Variants in MCTP2 observed in about 807,000 individuals in gnomAD.
MCTP2 encodes the protein multiple C2 and transmembrane domain containing 2.
MCTP2 carries 132 observed loss-of-function variants against 111.6 expected under a neutral mutation model. The observed-to-expected ratio is 1.18, with a 90% CI of 1.03 to 1.37. The LOEUF is 1.37. Ranked by LOEUF, MCTP2 falls within the 40% of genes most tolerant of loss-of-function variation. The pLI, the probability that MCTP2 is intolerant of heterozygous loss-of-function variation, is 0.00. For missense variants in MCTP2, 1,183 were observed against 1,067.9 expected, an observed-to-expected ratio of 1.11 and a Z score of -1.50; for synonymous variants, 395 against 387.7, an observed-to-expected ratio of 1.02 and a Z score of -0.22.
chr15:94,338,370 T>G lies in MCTP2; in HGVS notation c.638-920T>G, dbSNP rs190397992. On this transcript the variant is annotated intron_variant, in intron 4 of 22. Coordinates refer to ENST00000357742, the MANE Select transcript of MCTP2 (RefSeq NM_001385001.1). ...CATTGATTGCTCATTCATTTGTGCC[T>G]CCTCCTTCCACCGTTCACTAGGTAG... Among the ~76,000 whole-genome samples, 252 of 152,300 alleles carry G rather than the reference T, an allele frequency of 1.7e-3. 2 individuals carry two copies. The highest frequency in any genetic ancestry group is 5.5e-3 in the African/African-American group (229 of 41,554).
intron 2 of MCTP2, among the ~76,000 whole-genome samples, chr15:94,304,763 T>C (rs1276186788): frequency 1.3e-5 from 2 of 152,116 alleles, no homozygotes; most frequent in Admixed American, 1.3e-4. Context: ...AATTAGAACT[T>C]GACATACTCA....
At chr15:94,349,745 G>A (rs1376746454) in intron 8 of MCTP2, among the ~76,000 whole-genome samples, 1 of 151,530 alleles carries the variant, frequency 6.6e-6, no homozygotes, top group East Asian at 1.9e-4. Flanking sequence ...GTGTGAACCT[G>A]GGAGGTGGAG....
chr15:94,358,552 GCATTTTGGA>G lies in MCTP2; in HGVS notation c.1246_1254del (p.Leu416_Ile418del), dbSNP rs1367713049. On this transcript the variant is annotated inframe_deletion, in exon 10 of 23. Coordinates refer to ENST00000357742, the MANE Select transcript of MCTP2 (RefSeq NM_001385001.1). Reference sequence around the variant, plus strand: ...TTTCACTACTTCTCTGACAGGATGGGCATTTTGGACATTGAAGTGTGGGGAAAGGACAAC... The same window carrying G: ...TTTCACTACTTCTCTGACAGGATGGGCATTGAAGTGTGGGGAAAGGACAAC... 1.2e-6 allele frequency: 2 copies of G among 1,613,824 alleles called. No homozygotes were observed. The highest frequency in any genetic ancestry group is 1.7e-6 in the Non-Finnish European group (2 of 1,179,818).
chr15:94,385,749 C>T (rs1225828694), intron 14 of MCTP2, among the ~76,000 whole-genome samples: 1 of 152,096 alleles, frequency 6.6e-6, no homozygotes, highest in Non-Finnish European at 1.5e-5. Flanking sequence ...CGTAACCAAC[C>T]AAAACATTTT....
chr15:94,233,863 T>G (rs1242884483), intron 1 of MCTP2, among the ~76,000 whole-genome samples: 3 of 152,214 alleles, frequency 2.0e-5, no homozygotes, highest in Non-Finnish European at 2.9e-5. Context: ...GGAAAACACT[T>G]GCTTTCTTAA....
At chr15:94,403,022 C>T in intron 17 of MCTP2, 2 of 997,542 alleles carry the variant, frequency 2.0e-6, no homozygotes, top group Non-Finnish European at 2.4e-6. Flanking sequence ...GCCCAAGAAG[C>T]CAATGGGTTC....
At chr15:94,245,448 A>C (rs1182257181) in intron 1 of MCTP2, among the ~76,000 whole-genome samples, 4 of 139,166 alleles carry the variant, frequency 2.9e-5, no homozygotes, top group African/African-American at 5.2e-5. Flanking sequence ...ATACACATAT[A>C]TGTATATGTA....
At chr15:94,353,878 G>T (rs1310300945) in intron 8 of MCTP2, among the ~76,000 whole-genome samples, 2 of 152,060 alleles carry the variant, frequency 1.3e-5, no homozygotes, top group Non-Finnish European at 2.9e-5. Flanking sequence ...AACATCTATA[G>T]ATATATGTGC....
chr15:94,337,666 G>GGTGTGTGTGT (rs3068711), intron 4 of MCTP2, among the ~76,000 whole-genome samples: 38 of 150,894 alleles, frequency 2.5e-4, no homozygotes, highest in African/African-American at 9.2e-4. Flanking sequence ...GCCCGAACAC[G>GGTGTGTGTGT]GTGTGTGTGT....
chr15:94,250,346 C>T (rs888855697), intron 1 of MCTP2, among the ~76,000 whole-genome samples: 28 of 152,138 alleles, frequency 1.8e-4, no homozygotes, highest in Non-Finnish European at 7.4e-5. Flanking sequence ...CAGTTGTCAC[C>T]TTGTGCAAAC....
At chr15:94,401,446 A>C (rs1018662889) in intron 16 of MCTP2, among the ~76,000 whole-genome samples, 1 of 152,228 alleles carries the variant, frequency 6.6e-6, no homozygotes, top group Admixed American at 6.5e-5. Context: ...TAATACTTGC[A>C]TGTTTTAATT....
At chr15:94,424,635 A>T (rs2082791334) in intron 17 of MCTP2, among the ~76,000 whole-genome samples, 1 of 152,194 alleles carries the variant, frequency 6.6e-6, no homozygotes, top group African/African-American at 2.4e-5. Context: ...TTTCTGCTTC[A>T]TTAGTTAATG....
intron 4 of MCTP2, among the ~76,000 whole-genome samples, chr15:94,317,632 T>G (rs968518866): frequency 5.9e-5 from 9 of 152,126 alleles, no homozygotes; most frequent in African/African-American, 2.2e-4. Context: ...TCACCTGCCA[T>G]ACACCCTTCC....
At chr15:94,343,317 A>G (rs1382493093) in intron 7 of MCTP2, 2 of 152,152 alleles carry the variant, frequency 1.3e-5, no homozygotes, top group East Asian at 3.8e-4. Context: ...GGGAATAACT[A>G]GCACTTGGGA....
chr15:94,420,694 G>A (rs888699316), intron 17 of MCTP2, among the ~76,000 whole-genome samples: 8 of 152,110 alleles, frequency 5.3e-5, no homozygotes, highest in African/African-American at 1.9e-4. Flanking sequence ...TTGAACATAT[G>A]AAGTTTCTTC....
chr15:94,374,735 C>T (rs2079665669), intron 12 of MCTP2, among the ~76,000 whole-genome samples: 1 of 152,168 alleles, frequency 6.6e-6, no homozygotes, highest in African/African-American at 2.4e-5. Flanking sequence ...GGCCCTTACC[C>T]TGTTCCTCCC....
At chr15:94,288,547 A>G (rs1386218494) in intron 1 of MCTP2, among the ~76,000 whole-genome samples, 4 of 152,218 alleles carry the variant, frequency 2.6e-5, no homozygotes, top group African/African-American at 9.6e-5. Flanking sequence ...GCTAGAAGCT[A>G]ACCAGATCAA....
chr15:94,311,872 G>A lies in MCTP2; in HGVS notation c.466-2410G>A, dbSNP rs1160454375. Among the ~76,000 whole-genome samples the A allele has an allele frequency of 1.3e-5, 2 of 152,146 alleles. 1 individual carries two copies. Among genetic ancestry groups the A allele is most frequent in the African/African-American group, 4.8e-5 (2 of 41,428 alleles). Reference sequence around the variant, plus strand: ...TTAACATCATCATTCAGTACAGTGAGGACAACTTGGGAGAATATATATGGT... The same window carrying A: ...TTAACATCATCATTCAGTACAGTGAAGACAACTTGGGAGAATATATATGGT... On this transcript the variant is annotated intron_variant, in intron 2 of 22. Transcript: ENST00000357742.
intron 19 of MCTP2, among the ~76,000 whole-genome samples, chr15:94,455,273 G>A (rs1000707597): frequency 6.6e-6 from 1 of 152,184 alleles, no homozygotes; most frequent in Non-Finnish European, 1.5e-5. Context: ...ATGTTTGACA[G>A]GAAAAGTTCC....
Sources: allele counts gnomAD v4.1 joint callset (sites outside exome capture counted in the v4.1 genomes callset), GRCh38; gene constraint gnomAD v4.1.1; transcripts MANE v1.5; gene names NCBI Gene and HGNC (gene_info 2026-07-23, HGNC 2026-07-21).